The following C4orf54 variants were observed in gnomAD, a reference collection of about 807,000 sequenced individuals.
C4orf54 encodes chromosome 4 open reading frame 54.
In C4orf54, 67 loss-of-function variants were observed where a neutral mutation model predicts 80.1. The observed-to-expected ratio is 0.84, with a 90% confidence interval of 0.69 to 1.03. C4orf54 has a LOEUF of 1.03. Among genes scored for constraint, C4orf54 ranks in the 50% least tolerant of loss-of-function variants. C4orf54 has a pLI of 0.00. For synonymous variants in C4orf54, 1,000 were observed against 917.0 expected, an observed-to-expected ratio of 1.09 and a Z score of -1.64; for missense variants, 2,434 against 2,253.5, an observed-to-expected ratio of 1.08 and a Z score of -1.62.
intron 2 of C4orf54, among the ~76,000 whole-genome samples, chr4:99,645,900 A>G (rs1434489415): frequency 2.0e-5 from 3 of 152,192 alleles, no homozygotes; most frequent in Non-Finnish European, 4.4e-5. Context: ...ACAATGTGAG[A>G]TGAGAGTACT....
Position 99,653,891 on chromosome 4 carries a change from G to T in C4orf54, c.758C>A (p.Ser253Tyr). 6.5e-7 allele frequency: 1 copy of T among 1,536,294 alleles called. No homozygotes were observed. Among genetic ancestry groups the T allele is most frequent in the South Asian group, 1.2e-5 (1 of 84,050 alleles). ...TTCAGAGGCAGAGTGCTGGGATCTA[G>T]AGAGTTGGGAGGAGGCAGGATTGTT... ...PQNNPASSQL[S>Y]RSQHSASEEG... The change falls in exon 2 of 3, where the codon TCT (serine) becomes TAT (tyrosine). Residue 253 changes from serine (S) to tyrosine (Y), a missense_variant. Physicochemically the swap from Ser to Tyr is moderately radical, Grantham distance 144. Coordinates refer to ENST00000511828, the MANE Select transcript of C4orf54 (RefSeq NM_001354435.2).
At position 99,651,820 on chromosome 4, in the gene C4orf54, C is replaced by T; in HGVS notation, c.2829G>A (p.Ala943=). Residue 943 remains alanine (A), a synonymous_variant, in exon 2 of 3, where the codon GCG becomes GCA. Coordinates refer to ENST00000511828, the MANE Select transcript of C4orf54 (RefSeq NM_001354435.2). ...KGIFLRSQNS[A]FRSWKEKEAE... is the part of the protein sequence containing the mutation. ...CCTCTTTCTCCTTCCATGACCGGAA[C>T]GCACTGTTCTGACTACGGAGGAAGA... 8 of 1,536,116 alleles carry T rather than the reference C, an allele frequency of 5.2e-6. No individual in the cohort carries two copies. Among genetic ancestry groups the T allele is most frequent in the Non-Finnish European group, 5.2e-6 (6 of 1,146,910 alleles).
In C4orf54 at chr4:99,649,904, G is replaced by C; in HGVS notation, c.4745C>G (p.Pro1582Arg). The change falls in exon 2 of 3, where the codon CCC becomes CGC. Residue 1582 changes from proline (P) to arginine (R), a missense_variant. Coordinates refer to ENST00000511828, the MANE Select transcript of C4orf54 (RefSeq NM_001354435.2). ...TGCAGGTGCTGGGGCAGGCATGCTG[G>C]GTGGGGAGAAGCAGAGGACCTGAGG... ...AQPQVLCFSP[P>R]SMPAPAPAAS... 1 of 1,529,366 alleles carries C rather than the reference G, an allele frequency of 6.5e-7. No individual in the cohort carries two copies. Among genetic ancestry groups the C allele is most frequent in the Non-Finnish European group, 8.8e-7 (1 of 1,141,674 alleles). 94.7% of individuals were successfully genotyped at this position (1,529,366 alleles called of 1,614,324 possible).
intron 2 of C4orf54, among the ~76,000 whole-genome samples, chr4:99,648,124 T>C (rs2110250938): frequency 6.6e-6 from 1 of 152,092 alleles, no homozygotes; most frequent in South Asian, 2.1e-4. Context: ...AATATCACCT[T>C]TTCCCAATCT....
chr4:99,654,511 T>G lies in C4orf54; in HGVS notation c.138A>C (p.Thr46=), dbSNP rs2110258200. 2.8e-6 allele frequency: 2 copies of G among 703,518 alleles called. No individual in the cohort carries two copies. Among genetic ancestry groups the G allele is most frequent in the South Asian group, 3.0e-5 (2 of 67,596 alleles). 43.6% of individuals were successfully genotyped at this position (703,518 alleles called of 1,614,324 possible). ...NNWTGQLSYR[T]LATVSAGAAA... is the part of the protein sequence containing the mutation. ...CTGCTCCGGCCGAGACTGTGGCCAG[T>G]GTTCTGTAGCTGAGCTGTCCTGTCC... The change falls in exon 2 of 3, where the codon ACA becomes ACC. Residue 46 remains threonine (T), a synonymous_variant. Coordinates refer to ENST00000511828, the MANE Select transcript of C4orf54 (RefSeq NM_001354435.2).
chr4:99,649,033 G>A (rs1726746242), intron 2 of C4orf54, among the ~76,000 whole-genome samples, 198 bp downstream of exon 2: 2 of 152,190 alleles, frequency 1.3e-5, no homozygotes, highest in Admixed American at 1.3e-4. Context: ...GGCCGACCTT[G>A]GGGACTGAAG....
At position 99,652,723 on chromosome 4, in the gene C4orf54, CAG is replaced by C. The variant is rs1187924713; in HGVS notation, c.1924_1925del (p.Leu642GlufsTer117). 6.5e-7 allele frequency: 1 copy of C among 1,536,108 alleles called. No individual in the cohort carries two copies. Among genetic ancestry groups the C allele is most frequent in the Non-Finnish European group, 8.7e-7 (1 of 1,146,910 alleles). ...RSLAYPYFEA[L>X]NISSRESSTT... ...TGGAGGACTCCCGGGAGCTGATGTT[CAG>C]AGCCTCAAAGTAGGGGTAAGCCAGG... On this transcript the variant is annotated frameshift_variant, in exon 2 of 3. Coordinates refer to ENST00000511828, the MANE Select transcript of C4orf54 (RefSeq NM_001354435.2). LOFTEE classifies it high-confidence loss of function.
chr4:99,651,352 T>G lies in C4orf54; in HGVS notation c.3297A>C (p.Gln1099His), dbSNP rs1726821904. 6.5e-7 allele frequency: 1 copy of G among 1,536,090 alleles called. No individual in the cohort carries two copies. The highest frequency in any genetic ancestry group is 2.0e-5 in the Admixed American group (1 of 50,978). The change falls in exon 2 of 3, where the codon CAA becomes CAC. Residue 1099 changes from glutamine (Q) to histidine (H), a missense_variant. By Grantham distance (24) the Gln-to-His change is conservative (BLOSUM62 0). Transcript: ENST00000511828. The part of the protein sequence containing the change: ...VRDIRDKSKA[Q>H]GPLHQVRDVR... ...CATCTCTCACCTGGTGGAGGGGGCC[T>G]TGAGCCTTGGACTTGTCTCTGATGT...
rs1726510679 is a variant in C4orf54, at chr4:99,636,769, C to A, written c.*4464G>T. ...AGTTTCCTTGGCTGGATTCAAAGTC[C>A]CCTTGGCCAAGCTCATTGCATTCTA... is the stretch of plus-strand genomic sequence containing the variant. On this transcript the variant is annotated 3_prime_UTR_variant, in exon 3 of 3. Coordinates refer to ENST00000511828, the MANE Select transcript of C4orf54 (RefSeq NM_001354435.2). 1 of 152,034 alleles carries A rather than the reference C, an allele frequency of 6.6e-6. No individual in the cohort carries two copies. Among genetic ancestry groups the A allele is most frequent in the Non-Finnish European group, 1.5e-5 (1 of 68,004 alleles). 9.4% of individuals were successfully genotyped at this position (152,034 alleles called of 1,614,324 possible). A position where few individuals can be genotyped will look rare whatever the true frequency, so the allele number is the denominator to read the frequency against.
At chr4:99,644,436 T>C (rs565684093) in intron 2 of C4orf54, among the ~76,000 whole-genome samples, 118 of 151,878 alleles carry the variant, frequency 7.8e-4, no homozygotes, top group African/African-American at 2.6e-3. Flanking sequence ...AACAAACAAA[T>C]ACATTAAGAA....
chr4:99,653,575 G>C lies in C4orf54; in HGVS notation c.1074C>G (p.Asp358Glu), dbSNP rs76404557. The C allele has an allele frequency of 2.0e-6, 3 of 1,535,930 alleles. No individual in the cohort carries two copies. Among genetic ancestry groups the C allele is most frequent in the Non-Finnish European group, 2.6e-6 (3 of 1,146,838 alleles). ...AGTGAGCCTCTTCGACTTTGGGGGG[G>C]TCCCTGCTGCCCTGGGACTTGGCAA... ...DIIAKSQGSR[D>E]PPKVEEAHYI... Residue 358 changes from aspartate to glutamate, a missense_variant, in exon 2 of 3, where the codon GAC (aspartate) becomes GAG (glutamate). Coordinates refer to ENST00000511828, the MANE Select transcript of C4orf54 (RefSeq NM_001354435.2).
At chr4:99,648,908 T>G (rs1307630658) in intron 2 of C4orf54, among the ~76,000 whole-genome samples, 1 of 152,096 alleles carries the variant, frequency 6.6e-6, no homozygotes, top group Non-Finnish European at 1.5e-5. Context: ...TTTCATTTCT[T>G]TGCCCTGACA....
intron 2 of C4orf54, among the ~76,000 whole-genome samples, chr4:99,645,851 A>G (rs1726692548): frequency 6.6e-6 from 1 of 152,204 alleles, no homozygotes; most frequent in Non-Finnish European, 1.5e-5. Flanking sequence ...CCATCTGGGC[A>G]GTTGGGTCCC....
In C4orf54 at chr4:99,651,765, C is replaced by CT; in HGVS notation, c.2883dup (p.Gly962ArgfsTer14). The CT allele has an allele frequency of 6.5e-7, 1 of 1,536,112 alleles. No homozygotes were observed. The highest frequency in any genetic ancestry group is 8.7e-7 in the Non-Finnish European group (1 of 1,146,892). ...CCTCCTTTGGGCAGCTTCAGCTTCC[C>CT]TATAGGGGCTTGTTCCTCCCTCTTC... On this transcript the variant is annotated frameshift_variant, in exon 2 of 3. Coordinates refer to ENST00000511828, the MANE Select transcript of C4orf54 (RefSeq NM_001354435.2). LOFTEE classifies it high-confidence loss of function.
In C4orf54 at chr4:99,652,605, T is replaced by A. The variant is rs1467095649; in HGVS notation, c.2044A>T (p.Arg682Trp). The A allele has an allele frequency of 1.3e-6, 2 of 1,536,032 alleles. No homozygotes were observed. Among genetic ancestry groups the A allele is most frequent in the Middle Eastern group, 1.7e-4 (1 of 5,990 alleles). ...GCAGCCACAGAGGCCGCGCTGCTCCTGAGGAGGCTCTGCTCCACCCTGGCC... is the reference window on the plus strand; with the variant it reads ...GCAGCCACAGAGGCCGCGCTGCTCCAGAGGAGGCTCTGCTCCACCCTGGCC... ...VGARVEQSLL[R>W]SSAASVAAGL... is the part of the protein sequence containing the mutation. The change falls in exon 2 of 3, where the codon AGG (arginine) becomes TGG (tryptophan). Residue 682 changes from arginine to tryptophan, a missense_variant. Coordinates refer to ENST00000511828, the MANE Select transcript of C4orf54 (RefSeq NM_001354435.2).
chr4:99,638,938 T>C lies in C4orf54; in HGVS notation c.*2295A>G, dbSNP rs1051949741. 6.6e-6 allele frequency: 1 copy of C among 152,170 alleles called. No individual in the cohort carries two copies. Among genetic ancestry groups the C allele is most frequent in the Admixed American group, 6.6e-5 (1 of 15,260 alleles). 9.4% of individuals were successfully genotyped at this position (152,170 alleles called of 1,614,324 possible). On this transcript the variant is annotated 3_prime_UTR_variant, in exon 3 of 3. Transcript: ENST00000511828. ...GCAACTTCCTAAAAGGTGAAGCCTCTTGTATAGAACAAACAAATGAAAAGC... is the reference window on the plus strand; with the variant it reads ...GCAACTTCCTAAAAGGTGAAGCCTCCTGTATAGAACAAACAAATGAAAAGC...
rs76404557 is a variant in C4orf54 at position 99,653,575 on chromosome 4, G to A, written c.1074C>T (p.Asp358=). 2 of 1,535,930 alleles carry A rather than the reference G, an allele frequency of 1.3e-6. No homozygotes were observed. The highest frequency in any genetic ancestry group is 8.7e-7 in the Non-Finnish European group (1 of 1,146,838). ...AGTGAGCCTCTTCGACTTTGGGGGG[G>A]TCCCTGCTGCCCTGGGACTTGGCAA... is the stretch of plus-strand genomic sequence containing the variant. ...DIIAKSQGSR[D]PPKVEEAHYI... The change falls in exon 2 of 3, where the codon GAC becomes GAT. Residue 358 remains aspartate (D), a synonymous_variant. Coordinates refer to ENST00000511828, the MANE Select transcript of C4orf54 (RefSeq NM_001354435.2).
Position 99,652,439 on chromosome 4 carries a change from A to T in C4orf54, c.2210T>A (p.Phe737Tyr), listed in dbSNP as rs1328765429. The change falls in exon 2 of 3, where the codon TTC (phenylalanine) becomes TAC (tyrosine). Residue 737 changes from phenylalanine to tyrosine, a missense_variant. Physicochemically the swap from Phe to Tyr is conservative, Grantham distance 22 (BLOSUM62 3). Coordinates refer to ENST00000511828, the MANE Select transcript of C4orf54 (RefSeq NM_001354435.2). ...GGAGCCCGTCTGGACCTGCTTCTGG[A>T]AACACAGGGGCGTCTCCACATGTTT... ...EIKHVETPLC[F>Y]QKQVQTGSRV... 1.3e-6 allele frequency: 2 copies of T among 1,535,852 alleles called. No individual in the cohort carries two copies. Among genetic ancestry groups the T allele is most frequent in the Non-Finnish European group, 1.7e-6 (2 of 1,146,870 alleles).
rs1246337701 is a variant in C4orf54, at chr4:99,651,964, A to G, written c.2685T>C (p.Ser895=). The change falls in exon 2 of 3, where the codon TCT becomes TCC. Residue 895 remains serine, a synonymous_variant. Coordinates refer to ENST00000511828, the MANE Select transcript of C4orf54 (RefSeq NM_001354435.2). ...GAGGAGTACTGGCTTTGAAGACTGG[A>G]GATTTGGAGCCCGCCACGGACCCCT... is the stretch of plus-strand genomic sequence containing the variant. ...GGEGSVAGSK[S]PVFKASTPRE... The G allele has an allele frequency of 7.8e-6, 12 of 1,535,880 alleles. No homozygotes were observed. In the Admixed American group the frequency reaches 2.4e-4, roughly 30 times the overall value.
Sources: gnomAD v4.1 joint callset for allele counts (sites outside exome capture counted in the v4.1 genomes callset) on GRCh38, gnomAD v4.1.1 for gene constraint, MANE v1.5 for transcripts, NCBI Gene and HGNC (gene_info 2026-07-23, HGNC 2026-07-21) for gene names.